Variants in KCNC2 observed in about 807,000 individuals in gnomAD.
KCNC2 encodes potassium voltage-gated channel subfamily C member 2.
A neutral mutation model predicts 44.5 loss-of-function variants in KCNC2; 21 were observed. That is an observed-to-expected ratio of 0.47 (90% CI 0.33 to 0.68). The LOEUF (loss-of-function observed/expected upper bound fraction) is 0.68. Ranked by LOEUF, KCNC2 falls within the 30% of genes least tolerant of loss-of-function variation. KCNC2 has a pLI of 0.01. For synonymous variants in KCNC2, 391 were observed against 339.1 expected (o/e 1.15, Z -1.68); for missense variants, 589 against 826.2 (o/e 0.71, Z 3.52).
intron 2 of KCNC2, among the ~76,000 whole-genome samples, chr12:75,193,147 A>G (rs2030447350): frequency 6.6e-6 from 1 of 152,208 alleles, no homozygotes. Flanking sequence ...TATGAACAAG[A>G]AGCCTATACA....
intron 2 of KCNC2, among the ~76,000 whole-genome samples, chr12:75,140,723 G>A (rs1321730530): frequency 1.3e-5 from 2 of 151,416 alleles, no homozygotes; most frequent in South Asian, 2.1e-4. Context: ...AAAAAGTGAA[G>A]AATAATCATA....
intron 2 of KCNC2, among the ~76,000 whole-genome samples, chr12:75,131,657 T>C (rs568637693): frequency 6.6e-6 from 1 of 152,226 alleles, no homozygotes; most frequent in Non-Finnish European, 1.5e-5. Context: ...CTCAACACAT[T>C]GTTGCTGGAG....
At chr12:75,155,946 G>C (rs1432421483) in intron 2 of KCNC2, among the ~76,000 whole-genome samples, 3 of 151,856 alleles carry the variant, frequency 2.0e-5, no homozygotes, top group Non-Finnish European at 2.9e-5. Flanking sequence ...TCATATAGAA[G>C]CATAAACAAA....
chr12:75,090,434 T>C lies in KCNC2; in HGVS notation c.688-39117A>G, dbSNP rs1885378286. On this transcript the variant is annotated intron_variant, in intron 2 of 4. Transcript: ENST00000549446. Reference sequence around the variant, plus strand: ...TATTGACTTCTTTTTCTCACTTTAATCCATCTTCCAAACAAAAGCTATAGC... The same window carrying C: ...TATTGACTTCTTTTTCTCACTTTAACCCATCTTCCAAACAAAAGCTATAGC... Among the ~76,000 whole-genome samples, 4 of 151,756 alleles carry C rather than the reference T, an allele frequency of 2.6e-5. No individual in the cohort carries two copies. In the South Asian group the frequency reaches 8.3e-4, roughly 31 times the overall value.
chr12:75,097,868 T>G (rs1422332859), intron 2 of KCNC2, among the ~76,000 whole-genome samples: 1 of 152,204 alleles, frequency 6.6e-6, no homozygotes, highest in Non-Finnish European at 1.5e-5. Context: ...TCCCTATGTT[T>G]GTTTTTCTCA....
intron 2 of KCNC2, among the ~76,000 whole-genome samples, chr12:75,105,067 T>C (rs925947976): frequency 2.6e-5 from 4 of 152,020 alleles, no homozygotes; most frequent in Non-Finnish European, 4.4e-5. Context: ...CAAAGACATA[T>C]CAACAAGTAA....
chr12:75,052,599 C>T (rs185834426), intron 2 of KCNC2, among the ~76,000 whole-genome samples: 91 of 152,136 alleles, frequency 6.0e-4, no homozygotes, highest in Non-Finnish European at 1.0e-3. Flanking sequence ...GTCAGTCAAG[C>T]GGAGGGAGGT....
At chr12:75,208,910 A>T (rs993925084) in intron 1 of KCNC2, among the ~76,000 whole-genome samples, 2 of 152,008 alleles carry the variant, frequency 1.3e-5, no homozygotes, top group African/African-American at 4.8e-5. Context: ...AATGCATCCC[A>T]CCCATCCCCC....
intron 2 of KCNC2, among the ~76,000 whole-genome samples, chr12:75,189,730 G>A (rs2030010190): frequency 6.6e-6 from 1 of 152,166 alleles, no homozygotes; most frequent in Non-Finnish European, 1.5e-5. Flanking sequence ...GTGAAGTTAG[G>A]CAATGGTATC....
intron 2 of KCNC2, among the ~76,000 whole-genome samples, chr12:75,058,899 T>A (rs931116441): frequency 5.3e-5 from 8 of 152,018 alleles, no homozygotes; most frequent in African/African-American, 1.9e-4. Flanking sequence ...CTGTAGTACT[T>A]TTTCTTCCTT....
intron 2 of KCNC2, among the ~76,000 whole-genome samples, chr12:75,125,912 C>T (rs1472216718): frequency 6.6e-6 from 1 of 152,116 alleles, no homozygotes; most frequent in South Asian, 2.1e-4. Context: ...ATCAAGTGGT[C>T]AAATATAAAA....
chr12:75,184,110 T>C (rs1195783969), intron 2 of KCNC2, among the ~76,000 whole-genome samples: 1 of 152,176 alleles, frequency 6.6e-6, no homozygotes, highest in Non-Finnish European at 1.5e-5. Context: ...AGATTCTCTT[T>C]CCATGTCTCC....
intron 2 of KCNC2, among the ~76,000 whole-genome samples, chr12:75,144,786 G>T (rs1224035113): frequency 6.6e-6 from 1 of 151,830 alleles, no homozygotes; most frequent in African/African-American, 2.4e-5. Context: ...AATTCCAGTT[G>T]GTGTTCAAAT....
intron 2 of KCNC2, among the ~76,000 whole-genome samples, chr12:75,171,627 T>C (rs886616515): frequency 1.3e-5 from 2 of 151,662 alleles, no homozygotes; most frequent in Non-Finnish European, 2.9e-5. Flanking sequence ...CAGAGGCTAG[T>C]GGGGAGGGAG....
chr12:75,158,946 G>A (rs893020728), intron 2 of KCNC2, among the ~76,000 whole-genome samples: 1 of 151,910 alleles, frequency 6.6e-6, no homozygotes, highest in African/African-American at 2.4e-5. Flanking sequence ...AAAAGGCATG[G>A]AAGTGTGGGG....
intron 2 of KCNC2, among the ~76,000 whole-genome samples, chr12:75,195,338 A>T (rs1306377518): frequency 1.3e-5 from 2 of 152,132 alleles, no homozygotes; most frequent in African/African-American, 4.8e-5. Context: ...ATAATTAGGT[A>T]GTTTATACAG....
chr12:75,198,770 T>C (rs1038850707), intron 2 of KCNC2, among the ~76,000 whole-genome samples: 31 of 151,870 alleles, frequency 2.0e-4, no homozygotes, highest in African/African-American at 7.5e-4. Flanking sequence ...TCTGAATTTC[T>C]ATTCTATAAT....
At chr12:75,164,105 G>A (rs1401847146) in intron 2 of KCNC2, among the ~76,000 whole-genome samples, 2 of 151,672 alleles carry the variant, frequency 1.3e-5, no homozygotes, top group African/African-American at 2.4e-5. Context: ...CCTGTTCCAT[G>A]ACTAGTTTCA....
chr12:75,086,672 AAAAAAAAAAATAT>A (rs1275210060), intron 2 of KCNC2, among the ~76,000 whole-genome samples: 13 of 87,490 alleles, frequency 1.5e-4, no homozygotes, highest in African/African-American at 6.3e-4. Flanking sequence ...AAAAAAAAAA[AAAAAAAAAAATAT>A]ATATATATAT....
Sources: gnomAD v4.1 joint callset for allele counts (sites outside exome capture counted in the v4.1 genomes callset) on GRCh38, gnomAD v4.1.1 for gene constraint, MANE v1.5 for transcripts, NCBI Gene and HGNC (gene_info 2026-07-23, HGNC 2026-07-21) for gene names.